GSG1L2: variants seen among roughly 807,000 people sequenced by gnomAD.
The protein encoded by GSG1L2 is GSG1 like 2.
Under a neutral mutation model 9.0 loss-of-function variants are expected in GSG1L2, and 15 were observed. That is an observed-to-expected ratio of 1.67 (90% CI 1.12 to 2.57). GSG1L2 has a LOEUF of 2.57. Among genes scored for constraint, GSG1L2 ranks in the 30% most tolerant of loss-of-function variants. GSG1L2 has a pLI of 0.00. For synonymous variants in GSG1L2, 127 were observed against 57.9 expected (o/e 2.19, Z -5.41); for missense variants, 286 against 150.3 (o/e 1.90, Z -4.72).
chr17:9,809,017 C>T lies in GSG1L2; in HGVS notation c.359-35G>A, dbSNP rs546018952. On this transcript the variant is annotated intron_variant, in intron 2 of 4. Transcript: ENST00000399363. ...AACGGGATGTTGGAAACGCTGGACA[C>T]TTCTAATTCAGAAATACTAAAATGT... The T allele has an allele frequency of 5.7e-6, 4 of 698,172 alleles. No homozygotes were observed. The East Asian group carries it at 8.1e-5, about 14-fold the overall frequency. The allele number at this position is 698,172 out of a possible 1,614,324, so 43.2% of individuals were successfully genotyped here. A position where few individuals can be genotyped will look rare whatever the true frequency, so the allele number is the denominator to read the frequency against.
chr17:9,816,594 CTGTGTGTCTG>C (rs1302606359), intron 1 of GSG1L2, among the ~76,000 whole-genome samples: 23 of 109,948 alleles, frequency 2.1e-4, no homozygotes, highest in East Asian at 1.1e-3. Context: ...ACGTGCGTGT[CTGTGTGTCTG>C]TGTGTGTCTG....
intron 1 of GSG1L2, among the ~76,000 whole-genome samples, chr17:9,818,602 C>T (rs2066577243): frequency 6.7e-6 from 1 of 149,612 alleles, no homozygotes; most frequent in African/African-American, 2.5e-5. Context: ...GCAATCCACC[C>T]ACCTTGGCCT....
At position 9,801,501 on chromosome 17, in the gene GSG1L2, C is replaced by A. The variant is rs538310796; in HGVS notation, c.*885G>T. Reference sequence around the variant, plus strand: ...AAAGTGCTGGGATTACAGGCGTGAGCCACTACACCCACCCCCTTTCTTTTT... The same window carrying A: ...AAAGTGCTGGGATTACAGGCGTGAGACACTACACCCACCCCCTTTCTTTTT... On this transcript the variant is annotated 3_prime_UTR_variant, in exon 5 of 5. Transcript: ENST00000399363. Among the ~76,000 whole-genome samples the A allele has an allele frequency of 2.3e-4, 35 of 152,294 alleles. No homozygotes were observed. In the South Asian group the frequency reaches 5.0e-3, roughly 22 times the overall value.
In GSG1L2 at chr17:9,820,023, G is replaced by C. The variant is rs555540333; in HGVS notation, c.310+1739C>G. 9.9e-3 allele frequency among the ~76,000 whole-genome samples: 1,499 copies of C among 151,968 alleles called. 19 individuals carry two copies. The highest frequency in any genetic ancestry group is 0.034 in the African/African-American group (1,398 of 41,482). On this transcript the variant is annotated intron_variant, in intron 1 of 4. Coordinates refer to ENST00000399363, the MANE Select transcript of GSG1L2 (RefSeq NM_001310219.2). This position sits in a 1 kb window ranked among gnomAD's most constrained non-coding sequence, Gnocchi z 4.9. The stretch of plus-strand genomic sequence containing the variant: ...ATAATCACTTAAAACCCAGGAGGTG[G>C]AAGTTGCAGTGAGCTGAGATTGCGC...
intron 1 of GSG1L2, among the ~76,000 whole-genome samples, chr17:9,815,234 G>T (rs571740042): frequency 6.6e-6 from 1 of 152,136 alleles, no homozygotes; most frequent in Admixed American, 6.5e-5. Flanking sequence ...TAAAAATACA[G>T]AAAAAAATAG....
intron 3 of GSG1L2, chr17:9,808,026 C>T (rs918926678): frequency 1.3e-5 from 2 of 155,274 alleles, no homozygotes; most frequent in Non-Finnish European, 2.9e-5. Flanking sequence ...TGAGAGGTTC[C>T]AAATAAATAA....
intron 1 of GSG1L2, among the ~76,000 whole-genome samples, chr17:9,816,774 TGTGTGTCTGTGTGTGC>T (rs2066566765): frequency 1.9e-5 from 2 of 103,332 alleles, no homozygotes; most frequent in African/African-American, 3.8e-5. Context: ...TGTGTGTGCG[TGTGTGTCTGTGTGTGC>T]GTATCTGTGT....
At chr17:9,814,893 A>G (rs2066553608) in intron 1 of GSG1L2, among the ~76,000 whole-genome samples, 1 of 152,178 alleles carries the variant, frequency 6.6e-6, no homozygotes, top group Non-Finnish European at 1.5e-5. Flanking sequence ...GCAGAACAGC[A>G]TAGAATCTAA....
At chr17:9,803,395 G>T (rs1292373506) in intron 4 of GSG1L2, among the ~76,000 whole-genome samples, 1 of 152,250 alleles carries the variant, frequency 6.6e-6, no homozygotes, top group South Asian at 2.1e-4. Context: ...GAGCCACCGC[G>T]CCCGACCAGC....
intron 1 of GSG1L2, 115 bp from the exon 2 acceptor site, chr17:9,810,733 A>C (rs2066535868): frequency 1.5e-6 from 1 of 676,712 alleles, no homozygotes; most frequent in South Asian, 1.6e-5. Context: ...AGACTGCTTT[A>C]CTGCTCAGGG....
intron 1 of GSG1L2, among the ~76,000 whole-genome samples, chr17:9,815,524 T>G (rs190936909): frequency 1.3e-5 from 2 of 152,350 alleles, no homozygotes; most frequent in African/African-American, 4.8e-5. Context: ...CACTGGAATA[T>G]GTAATGTTAA....
rs1212469209 is a variant in GSG1L2, at chr17:9,808,993, A to G, written c.359-11T>C. ...ACAGCCACAAAACACCTGCCAAAGA[A>G]CGGGATGTTGGAAACGCTGGACACT... On this transcript the variant is annotated splice_polypyrimidine_tract_variant and intron_variant, in intron 2 of 4. Coordinates refer to ENST00000399363, the MANE Select transcript of GSG1L2 (RefSeq NM_001310219.2). 1 of 703,010 alleles carries G rather than the reference A, an allele frequency of 1.4e-6. No homozygotes were observed. Among genetic ancestry groups the G allele is most frequent in the East Asian group, 2.7e-5 (1 of 37,290 alleles). 43.5% of individuals were successfully genotyped at this position (703,010 alleles called of 1,614,324 possible).
In GSG1L2 at chr17:9,807,540, A is replaced by C. The variant is rs553884807; in HGVS notation, c.573T>G (p.Leu191=). ...YTTIFQITVN[L]GPEDWKPQTW... is the part of the protein sequence containing the mutation. ...TCTGAGGCTTCCAATCTTCTGGTCC[A>C]AGGTTCACAGTGATTTGAAAAATGG... The change falls in exon 4 of 5, where the codon CTT becomes CTG. Residue 191 remains leucine (L), a synonymous_variant. Coordinates refer to ENST00000399363, the MANE Select transcript of GSG1L2 (RefSeq NM_001310219.2). 1.4e-6 allele frequency: 1 copy of C among 703,158 alleles called. No individual in the cohort carries two copies. The highest frequency in any genetic ancestry group is 1.7e-5 in the African/African-American group (1 of 57,386). 43.6% of individuals were successfully genotyped at this position (703,158 alleles called of 1,614,324 possible).
chr17:9,816,165 T>G (rs2066558587), intron 1 of GSG1L2, among the ~76,000 whole-genome samples: 2 of 152,212 alleles, frequency 1.3e-5, no homozygotes, highest in African/African-American at 4.8e-5. Context: ...ATAAATTACC[T>G]AGTTTCTGGT....
intron 1 of GSG1L2, among the ~76,000 whole-genome samples, chr17:9,811,687 C>T (rs2066539500): frequency 6.6e-6 from 1 of 152,194 alleles, no homozygotes; most frequent in Non-Finnish European, 1.5e-5. Context: ...TCATCTGGTT[C>T]ATCCCCACGC....
rs1346900356 is a variant in GSG1L2 at position 9,811,921 on chromosome 17, A to G, written c.311-1303T>C. Among the ~76,000 whole-genome samples, 5 of 152,302 alleles carry G rather than the reference A, an allele frequency of 3.3e-5. No individual in the cohort carries two copies. The East Asian group carries it at 7.7e-4, about 24-fold the overall frequency. ...CTGATCCTGGTGGGAGCTGAAGCAG[A>G]GCATGTTTTTTTCCCATTGACTCTT... is the stretch of plus-strand genomic sequence containing the variant. On this transcript the variant is annotated intron_variant, in intron 1 of 4. Transcript: ENST00000399363.
chr17:9,821,605 G>A (rs1250098330), intron 1 of GSG1L2, among the ~76,000 whole-genome samples, 157 bp downstream of exon 1: 1 of 152,154 alleles, frequency 6.6e-6, no homozygotes. Flanking sequence ...CAGTGGAGAT[G>A]AAGGATTCAA....
At chr17:9,806,180 C>T (rs1329539387) in intron 4 of GSG1L2, among the ~76,000 whole-genome samples, 1 of 152,220 alleles carries the variant, frequency 6.6e-6, no homozygotes, top group Non-Finnish European at 1.5e-5. Context: ...CATTGCCAAT[C>T]ACCTTTCCTC....
intron 1 of GSG1L2, among the ~76,000 whole-genome samples, chr17:9,812,329 T>C (rs112597692): frequency 2.9e-4 from 44 of 152,248 alleles, no homozygotes; most frequent in African/African-American, 9.1e-4. Flanking sequence ...GAACTCTCTA[T>C]GGCTCCCTAT....
Sources: gnomAD v4.1 joint callset for allele counts (sites outside exome capture counted in the v4.1 genomes callset) on GRCh38, gnomAD v4.1.1 for gene constraint, Gnocchi (gnomAD v3.1) non-coding constraint, MANE v1.5 for transcripts, NCBI Gene and HGNC (gene_info 2026-07-23, HGNC 2026-07-21) for gene names.